Variants in NDST3 observed in about 807,000 individuals in gnomAD.
NDST3 encodes the protein N-deacetylase and N-sulfotransferase 3.
NDST3 carries 58 observed loss-of-function variants against 96.1 expected under a neutral mutation model. The observed-to-expected ratio is 0.60, with a 90% CI of 0.49 to 0.75. The LOEUF is 0.75. Ranked by LOEUF, NDST3 falls within the 30% of genes least tolerant of loss-of-function variation. NDST3 has a pLI of 0.00. For synonymous variants in NDST3, 333 were observed against 359.7 expected, an observed-to-expected ratio of 0.93 and a Z score of 0.84; for missense variants, 788 against 1,034.2, an observed-to-expected ratio of 0.76 and a Z score of 3.27.
intron 12 of NDST3, among the ~76,000 whole-genome samples, chr4:118,253,082 T>C (rs1454748619): frequency 6.6e-6 from 1 of 152,202 alleles, no homozygotes; most frequent in African/African-American, 2.4e-5. Flanking sequence ...ATGATACAAG[T>C]AGCATCTAAA....
At chr4:118,174,153 G>A (rs1355693992) in intron 6 of NDST3, among the ~76,000 whole-genome samples, 1 of 152,176 alleles carries the variant, frequency 6.6e-6, no homozygotes, top group Non-Finnish European at 1.5e-5. Flanking sequence ...CCATATAATG[G>A]GAATGCGTCA....
At chr4:118,141,030 T>C (rs1261179241) in intron 5 of NDST3, among the ~76,000 whole-genome samples, 1 of 152,174 alleles carries the variant, frequency 6.6e-6, no homozygotes, top group East Asian at 1.9e-4. Context: ...ACCCTCTAAG[T>C]GGTCTTTATT....
At chr4:118,211,597 T>C (rs1738802966) in intron 6 of NDST3, among the ~76,000 whole-genome samples, 1 of 152,176 alleles carries the variant, frequency 6.6e-6, no homozygotes, top group East Asian at 1.9e-4. Context: ...ATCACTGTTT[T>C]CATCGCATTA....
intron 2 of NDST3, among the ~76,000 whole-genome samples, chr4:118,094,388 C>A (rs1365363842): frequency 6.6e-6 from 1 of 151,834 alleles, no homozygotes; most frequent in African/African-American, 2.4e-5. Context: ...ATTCATCACA[C>A]CAAACTGATC....
chr4:118,246,812 G>A (rs1741340695), intron 12 of NDST3, among the ~76,000 whole-genome samples: 1 of 152,066 alleles, frequency 6.6e-6, no homozygotes, highest in African/African-American at 2.4e-5. Context: ...AAGAGAAACT[G>A]CCCCAATGAT....
At chr4:118,232,447 C>T (rs1488414727) in intron 8 of NDST3, among the ~76,000 whole-genome samples, 2 of 151,730 alleles carry the variant, frequency 1.3e-5, no homozygotes, top group East Asian at 3.9e-4. Context: ...CTGAGCAACA[C>T]AGTGAGACCT....
chr4:118,075,546 C>T (rs1727455465), intron 2 of NDST3, among the ~76,000 whole-genome samples: 1 of 152,196 alleles, frequency 6.6e-6, no homozygotes, highest in Non-Finnish European at 1.5e-5. Context: ...TCTCCACATC[C>T]TCTCCAGCAC....
chr4:118,060,053 T>C (rs537187132), intron 2 of NDST3, among the ~76,000 whole-genome samples: 1 of 152,290 alleles, frequency 6.6e-6, no homozygotes, highest in Admixed American at 6.5e-5. Flanking sequence ...ACATATATTA[T>C]CTAATCAAGG....
At chr4:118,166,176 A>G (rs994558074) in intron 6 of NDST3, among the ~76,000 whole-genome samples, 1 of 151,822 alleles carries the variant, frequency 6.6e-6, no homozygotes, top group African/African-American at 2.4e-5. Context: ...TACTAACAAA[A>G]AAGGAAGAAG....
intron 2 of NDST3, among the ~76,000 whole-genome samples, chr4:118,071,866 T>C (rs544908335): frequency 6.6e-5 from 10 of 152,272 alleles, no homozygotes; most frequent in African/African-American, 2.4e-4. Flanking sequence ...TAATTCACAT[T>C]CCCACTAGCA....
At chr4:118,158,067 C>T (rs774857884) in intron 6 of NDST3, among the ~76,000 whole-genome samples, 43 of 151,432 alleles carry the variant, frequency 2.8e-4, no homozygotes, top group African/African-American at 8.5e-4. Context: ...CGCCATAAAA[C>T]GAATAAAAAT....
intron 2 of NDST3, among the ~76,000 whole-genome samples, chr4:118,064,889 T>C (rs1261325886): frequency 2.0e-5 from 3 of 152,176 alleles, no homozygotes; most frequent in African/African-American, 2.4e-5. Context: ...ATCTTCTAGA[T>C]TCCGCACACA....
chr4:118,084,703 T>A (rs762355319), intron 2 of NDST3, among the ~76,000 whole-genome samples: 1 of 152,236 alleles, frequency 6.6e-6, no homozygotes, highest in Admixed American at 6.5e-5. Flanking sequence ...CTTTTAGAGA[T>A]AGACTCTTAC....
At chr4:118,065,970 T>C (rs747761981) in intron 2 of NDST3, among the ~76,000 whole-genome samples, 6 of 146,224 alleles carry the variant, frequency 4.1e-5, no homozygotes, top group Non-Finnish European at 8.9e-5. Flanking sequence ...ATATTGCGTG[T>C]AGAAATTAGA....
chr4:118,257,741 T>C lies in NDST3; in HGVS notation c.*2029T>C, dbSNP rs969978605. ...TAAATATACTATTAGCAGAAAAAAT[T>C]GGAAAAATCACCAATTTTTAAGACT... is the stretch of plus-strand genomic sequence containing the variant. On this transcript the variant is annotated 3_prime_UTR_variant, in exon 14 of 14. Coordinates refer to ENST00000296499, the MANE Select transcript of NDST3 (RefSeq NM_004784.3). The C allele has an allele frequency of 6.6e-6, 1 of 152,144 alleles. No homozygotes were observed. The highest frequency in any genetic ancestry group is 2.4e-5 in the African/African-American group (1 of 41,440). 9.4% of individuals were successfully genotyped at this position (152,144 alleles called of 1,614,324 possible).
At chr4:118,219,321 C>T (rs756299286) in intron 6 of NDST3, among the ~76,000 whole-genome samples, 16 of 151,880 alleles carry the variant, frequency 1.1e-4, no homozygotes, top group South Asian at 2.1e-4. Context: ...CAAAACAGCA[C>T]GGTACTAGTA....
chr4:118,200,920 G>C (rs1014429391), intron 6 of NDST3, among the ~76,000 whole-genome samples: 1 of 152,070 alleles, frequency 6.6e-6, no homozygotes, highest in African/African-American at 2.4e-5. Flanking sequence ...TACTCAATAG[G>C]TAGTTTTTCA....
chr4:118,079,304 G>C (rs1205760179), intron 2 of NDST3, among the ~76,000 whole-genome samples: 1 of 152,224 alleles, frequency 6.6e-6, no homozygotes, highest in Admixed American at 6.5e-5. Flanking sequence ...GGGTCAGTGG[G>C]ATGCAGAGTG....
At chr4:118,089,097 A>C (rs1342817208) in intron 2 of NDST3, among the ~76,000 whole-genome samples, 1 of 151,970 alleles carries the variant, frequency 6.6e-6, no homozygotes, top group African/African-American at 2.4e-5. Flanking sequence ...TTTTTCTCTA[A>C]ATCATTGTTC....
Sources: allele counts gnomAD v4.1 joint callset (sites outside exome capture counted in the v4.1 genomes callset), GRCh38; gene constraint gnomAD v4.1.1; transcripts MANE v1.5; gene names NCBI Gene and HGNC (gene_info 2026-07-23, HGNC 2026-07-21).